Variants in AFF2 observed in about 807,000 individuals in gnomAD.
AFF2 encodes AF4/FMR2 family member 2.
AFF2 carries 14 observed loss-of-function variants against 76.9 expected under a neutral mutation model. That is an observed-to-expected ratio of 0.18 (90% CI 0.12 to 0.28). The LOEUF (loss-of-function observed/expected upper bound fraction) is 0.28. AFF2 is among the 10% of genes least tolerant of loss of function. The pLI, the probability that AFF2 is intolerant of heterozygous loss-of-function variation, is 1.00. For missense variants in AFF2, 868 were observed against 1,001.1 expected, an observed-to-expected ratio of 0.87 and a Z score of 1.79; for synonymous variants, 398 against 366.7, an observed-to-expected ratio of 1.09 and a Z score of -0.98.
chrX:148,543,134 C>A (rs1386846553), intron 1 of AFF2, among the ~76,000 whole-genome samples: 1 of 111,400 alleles, frequency 9.0e-6, no homozygotes, highest in East Asian at 2.8e-4. Context: ...CATGGAACAG[C>A]AGCATCGACC....
chrX:148,845,133 ACACACACACACG>A (rs2070650312), intron 7 of AFF2, among the ~76,000 whole-genome samples: 1 of 39,403 alleles, frequency 2.5e-5, no homozygotes, highest in Non-Finnish European at 1.2e-4. Context: ...ACACACACAC[ACACACACACACG>A]CACACTCACA....
At chrX:148,676,751 C>A (rs1161225572) in intron 3 of AFF2, among the ~76,000 whole-genome samples, 1 of 111,505 alleles carries the variant, frequency 9.0e-6, no homozygotes, top group Non-Finnish European at 1.9e-5. Flanking sequence ...AATGTAAACC[C>A]ACATCAAGTT....
intron 1 of AFF2, among the ~76,000 whole-genome samples, chrX:148,607,327 A>G (rs1007494069): frequency 1.4e-4 from 16 of 111,084 alleles, no homozygotes; most frequent in African/African-American, 4.6e-4. Flanking sequence ...CATAATCCCC[A>G]TGTGTCATGG....
intron 9 of AFF2, among the ~76,000 whole-genome samples, chrX:148,941,440 G>T (rs1191964417): frequency 2.7e-5 from 3 of 111,859 alleles, no homozygotes; most frequent in Non-Finnish European, 5.6e-5. Context: ...GTATCAAAAT[G>T]ACATGATTAG....
At position 148,500,838 on chromosome X, in the gene AFF2, C is replaced by G; in HGVS notation, c.-260C>G. On this transcript the variant is annotated 5_prime_UTR_variant, in exon 1 of 21. Coordinates refer to ENST00000370460, the MANE Select transcript of AFF2 (RefSeq NM_002025.4). ...AGCGTCGGGTCGCTGGGTGCGCGGG[C>G]TACCGCGGACCGAGCGGACCCGAGT... 1 of 219,634 alleles carries G rather than the reference C, an allele frequency of 4.6e-6. No homozygotes were observed. Among genetic ancestry groups the G allele is most frequent in the Non-Finnish European group, 8.1e-6 (1 of 123,558 alleles). The allele number at this position is 219,634 out of a possible 1,213,427, so 18.1% of individuals were successfully genotyped here.
At chrX:148,890,866 G>A (rs1440080041) in intron 8 of AFF2, among the ~76,000 whole-genome samples, 2 of 112,332 alleles carry the variant, frequency 1.8e-5, no homozygotes, top group Non-Finnish European at 1.9e-5. Flanking sequence ...ATAACTATTT[G>A]AAGTTGACAT....
At chrX:148,929,757 G>A (rs2071691510) in intron 9 of AFF2, among the ~76,000 whole-genome samples, 1 of 111,792 alleles carries the variant, frequency 8.9e-6, no homozygotes, top group Non-Finnish European at 1.9e-5. Context: ...CCAAAGATGG[G>A]AGGAAACCCA....
At chrX:148,863,815 CA>C (rs1274005303) in intron 7 of AFF2, among the ~76,000 whole-genome samples, 1 of 111,326 alleles carries the variant, frequency 9.0e-6, no homozygotes, top group Non-Finnish European at 1.9e-5. Flanking sequence ...ATCCGGGTAG[CA>C]GTGTGTGAAG....
chrX:148,677,348 G>A (rs2054497096), intron 3 of AFF2, among the ~76,000 whole-genome samples: 1 of 111,352 alleles, frequency 9.0e-6, no homozygotes, highest in African/African-American at 3.3e-5. Context: ...ATTAATGTTT[G>A]CACAGTGCTT....
chrX:148,528,192 G>A (rs2052686532), intron 1 of AFF2, among the ~76,000 whole-genome samples: 1 of 112,098 alleles, frequency 8.9e-6, no homozygotes, highest in South Asian at 3.7e-4. Flanking sequence ...AAGAACAAGA[G>A]AGCCAATAAA....
intron 3 of AFF2, among the ~76,000 whole-genome samples, chrX:148,771,455 CCTT>C (rs1246541884): frequency 1.9e-4 from 21 of 112,328 alleles, no homozygotes; most frequent in African/African-American, 6.5e-4. Context: ...TTCATTTTCT[CCTT>C]CTCTTTTCCA....
intron 7 of AFF2, among the ~76,000 whole-genome samples, chrX:148,851,598 A>T (rs2070731641): frequency 8.9e-6 from 1 of 111,880 alleles, no homozygotes; most frequent in Admixed American, 9.5e-5. Flanking sequence ...AGAGAAGAGT[A>T]GAAGCTAACG....
At chrX:148,785,973 C>A (rs981625701) in intron 3 of AFF2, among the ~76,000 whole-genome samples, 6 of 111,443 alleles carry the variant, frequency 5.4e-5, no homozygotes, top group Admixed American at 9.5e-5. Context: ...GGTCTCTGTC[C>A]CAGCAAGGTG....
At chrX:148,925,255 C>T (rs1263480242) in intron 9 of AFF2, among the ~76,000 whole-genome samples, 3 of 112,209 alleles carry the variant, frequency 2.7e-5, no homozygotes, top group Non-Finnish European at 1.9e-5. Flanking sequence ...ACCATTATAC[C>T]GATGAGATGT....
chrX:148,695,476 C>G (rs2054710404), intron 3 of AFF2, among the ~76,000 whole-genome samples: 1 of 112,294 alleles, frequency 8.9e-6, no homozygotes, highest in Non-Finnish European at 1.9e-5. Context: ...CTTGCTTGCT[C>G]TTTACACTGT....
At chrX:148,506,502 G>T (rs374508903) in intron 1 of AFF2, among the ~76,000 whole-genome samples, 79 of 111,224 alleles carry the variant, frequency 7.1e-4, no homozygotes, top group African/African-American at 2.5e-3. Context: ...ATTAGAAAGA[G>T]AACAGTCTAT....
intron 1 of AFF2, among the ~76,000 whole-genome samples, chrX:148,643,019 T>G (rs2054105814): frequency 8.9e-6 from 1 of 112,121 alleles, no homozygotes; most frequent in African/African-American, 3.2e-5. Flanking sequence ...ATCTAGTAAC[T>G]CTTTAAAGCT....
In AFF2 at chrX:148,608,210, C is replaced by T. The variant is rs782208009; in HGVS notation, c.48-43789C>T. ...GAGATGTATTCCAGGACTTACAGCA[C>T]TGGTTTTGACATACCCCATTGTGTC... is the stretch of plus-strand genomic sequence containing the variant. On this transcript the variant is annotated intron_variant, in intron 1 of 20. Coordinates refer to ENST00000370460, the MANE Select transcript of AFF2 (RefSeq NM_002025.4). Among the ~76,000 whole-genome samples, 3 of 111,752 alleles carry T rather than the reference C, an allele frequency of 2.7e-5. No homozygotes were observed. In the South Asian group the frequency reaches 1.1e-3, roughly 41 times the overall value.
chrX:148,843,723 G>C (rs2070631189), intron 7 of AFF2, among the ~76,000 whole-genome samples: 1 of 111,087 alleles, frequency 9.0e-6, no homozygotes, highest in African/African-American at 3.3e-5. Context: ...CAGCATAAAG[G>C]GTATCTTGTG....
Sources: allele counts gnomAD v4.1 joint callset (sites outside exome capture counted in the v4.1 genomes callset), GRCh38; gene constraint gnomAD v4.1.1; transcripts MANE v1.5; gene names NCBI Gene and HGNC (gene_info 2026-07-23, HGNC 2026-07-21).